The following STAG1 variants were observed in gnomAD, a reference collection of about 807,000 sequenced individuals.
STAG1 encodes cohesin subunit SA-1.
In STAG1, 26 loss-of-function variants were observed where a neutral mutation model predicts 170.9. The ratio of observed to expected loss-of-function variants is 0.15; its 90% CI spans 0.11 to 0.21. The LOEUF (loss-of-function observed/expected upper bound fraction) is 0.21. Among genes scored for constraint, STAG1 ranks in the 10% least tolerant of loss-of-function variants. The pLI, the probability that STAG1 is intolerant of heterozygous loss-of-function variation, is 1.00. For synonymous variants in STAG1, 514 were observed against 497.7 expected, an observed-to-expected ratio of 1.03 and a Z score of -0.44; for missense variants, 964 against 1,509.5, an observed-to-expected ratio of 0.64 and a Z score of 5.99.
intron 14 of STAG1, among the ~76,000 whole-genome samples, chr3:136,449,808 A>G (rs2088885221): frequency 6.6e-6 from 1 of 152,156 alleles, no homozygotes; most frequent in African/African-American, 2.4e-5. Flanking sequence ...TTTTCCTTTA[A>G]TGAATAATCA....
chr3:136,337,798 A>AT lies in STAG1; in HGVS notation c.*455dup, dbSNP rs1238456661. On this transcript the variant is annotated 3_prime_UTR_variant, in exon 34 of 34. Transcript: ENST00000383202. ...GATGAGCTGCTTACTCATAGGTTTA[A>AT]TAAAAATGGTTAGCTTTTAAAACAT... 6.5e-6 allele frequency: 1 copy of AT among 153,568 alleles called. No homozygotes were observed. The highest frequency in any genetic ancestry group is 1.5e-5 in the Non-Finnish European group (1 of 68,710). 9.5% of individuals were successfully genotyped at this position (153,568 alleles called of 1,614,324 possible).
chr3:136,643,590 C>G (rs2107848627), intron 1 of STAG1, among the ~76,000 whole-genome samples: 1 of 152,258 alleles, frequency 6.6e-6, no homozygotes. Flanking sequence ...CTCACTGCAA[C>G]CTCTGCCTCC....
chr3:136,474,095 C>CA (rs1484247408), intron 10 of STAG1, among the ~76,000 whole-genome samples: 25 of 152,020 alleles, frequency 1.6e-4, no homozygotes, highest in African/African-American at 5.6e-4. Context: ...GTTAGCAAAA[C>CA]AGAAATAGCA....
intron 21 of STAG1, among the ~76,000 whole-genome samples, chr3:136,405,231 C>CTTTTTTTTTTTTTT (rs554475207): frequency 1.6e-5 from 1 of 60,876 alleles, no homozygotes; most frequent in African/African-American, 4.4e-5. Flanking sequence ...GAAAAAACCT[C>CTTTTTTTTTTTTTT]TTTTTTTTTT....
At chr3:136,721,147 T>C (rs946497084) in intron 1 of STAG1, among the ~76,000 whole-genome samples, 4 of 152,206 alleles carry the variant, frequency 2.6e-5, no homozygotes, top group Admixed American at 2.0e-4. Flanking sequence ...ATGATTATTT[T>C]TCTGCAGTCT....
intron 1 of STAG1, among the ~76,000 whole-genome samples, chr3:136,680,896 AC>A (rs1358732845): frequency 2.1e-5 from 1 of 47,242 alleles, no homozygotes; most frequent in Admixed American, 2.1e-4. Flanking sequence ...CCCCCACCCC[AC>A]CCTTGTGAAT....
chr3:136,417,044 A>G (rs2087795974), intron 21 of STAG1, among the ~76,000 whole-genome samples: 1 of 151,880 alleles, frequency 6.6e-6, no homozygotes, highest in Non-Finnish European at 1.5e-5. Flanking sequence ...ATGGGGTTTC[A>G]CCATGTTGGC....
chr3:136,376,565 T>G (rs1239174528), intron 23 of STAG1, among the ~76,000 whole-genome samples: 1 of 152,168 alleles, frequency 6.6e-6, no homozygotes, highest in East Asian at 1.9e-4. Flanking sequence ...AAAGGCCTCT[T>G]CTCTAGGCAT....
rs184781447 is a variant in STAG1, at chr3:136,405,719, G to A, written c.2197-6890C>T. Among the ~76,000 whole-genome samples the A allele has an allele frequency of 7.0e-3, 1,035 of 147,448 alleles. 9 individuals are homozygous for A. Among genetic ancestry groups the A allele is most frequent in the Non-Finnish European group, 0.011 (729 of 67,304 alleles). On this transcript the variant is annotated intron_variant, in intron 21 of 33. Transcript: ENST00000383202. The stretch of plus-strand genomic sequence containing the variant: ...AAAATACAAAAAATTAGCTGGGTGT[G>A]GTGGCAGGTGTCTGTAATCCCAGAT...
intron 2 of STAG1, among the ~76,000 whole-genome samples, chr3:136,625,541 A>C (rs1233550968): frequency 4.6e-5 from 7 of 152,158 alleles, no homozygotes; most frequent in Admixed American, 4.6e-4. Context: ...AACTGATTTA[A>C]GTTATGCATA....
At chr3:136,468,661 G>C (rs1002804808) in intron 12 of STAG1, among the ~76,000 whole-genome samples, 6 of 147,830 alleles carry the variant, frequency 4.1e-5, no homozygotes, top group Admixed American at 1.3e-4. Context: ...TCCCTGTTAT[G>C]TCCCTGGCAG....
At chr3:136,534,713 T>C (rs1033385911) in intron 6 of STAG1, among the ~76,000 whole-genome samples, 13 of 152,162 alleles carry the variant, frequency 8.5e-5, no homozygotes, top group African/African-American at 2.9e-4. Context: ...TTCACCCCAG[T>C]TGGAATGGCT....
intron 3 of STAG1, among the ~76,000 whole-genome samples, chr3:136,611,164 T>C (rs1479087606): frequency 6.6e-6 from 1 of 152,208 alleles, no homozygotes; most frequent in African/African-American, 2.4e-5. Context: ...TTTTTTTTTC[T>C]TTTAGACACA....
intron 23 of STAG1, 55 bp downstream of exon 23, chr3:136,377,604 GT>G (rs1937676347): frequency 7.1e-7 from 1 of 1,412,236 alleles, no homozygotes; most frequent in South Asian, 1.2e-5. Flanking sequence ...TCTTCTTAAT[GT>G]TCATTAATGT....
chr3:136,354,760 A>AAAAAAAAAAAAAAAAAAAAAAAC (rs1936574529), intron 28 of STAG1, among the ~76,000 whole-genome samples: 1 of 145,314 alleles, frequency 6.9e-6, no homozygotes. Flanking sequence ...GAACCAAAAA[A>AAAAAAAAAAAAAAAAAAAAAAAC]AAAAAAAACC....
chr3:136,463,877 A>G (rs1479270723), intron 13 of STAG1, among the ~76,000 whole-genome samples: 2 of 146,834 alleles, frequency 1.4e-5, no homozygotes, highest in Non-Finnish European at 3.0e-5. Flanking sequence ...ATACATACAT[A>G]CATATATACT....
intron 23 of STAG1, among the ~76,000 whole-genome samples, chr3:136,376,002 A>AATT (rs1560069363): frequency 5.9e-5 from 8 of 134,490 alleles, no homozygotes; most frequent in South Asian, 2.3e-4. Context: ...ATAAATAAAT[A>AATT]AATAAATAAT....
At chr3:136,647,553 G>A (rs1165341029) in intron 1 of STAG1, among the ~76,000 whole-genome samples, 1 of 151,804 alleles carries the variant, frequency 6.6e-6, no homozygotes, top group East Asian at 1.9e-4. Flanking sequence ...TGGGCAACAA[G>A]AGCGAAACTC....
intron 4 of STAG1, among the ~76,000 whole-genome samples, chr3:136,599,643 C>T (rs1411104959): frequency 1.3e-5 from 2 of 152,132 alleles, no homozygotes; most frequent in African/African-American, 4.8e-5. Context: ...TTAAATGGCT[C>T]TTTCATGTTT....
Sources: allele counts gnomAD v4.1 joint callset (sites outside exome capture counted in the v4.1 genomes callset), GRCh38; gene constraint gnomAD v4.1.1; transcripts MANE v1.5; gene names NCBI Gene and HGNC (gene_info 2026-07-23, HGNC 2026-07-21).